Variants in ANK2 observed in about 807,000 individuals in gnomAD.
ANK2 encodes the protein ankyrin 2.
Under a neutral mutation model 360.5 loss-of-function variants are expected in ANK2, and 83 were observed. That is an observed-to-expected ratio of 0.23 (90% confidence interval 0.19 to 0.28). The LOEUF is 0.28. Ranked by LOEUF, ANK2 falls within the 10% of genes least tolerant of loss-of-function variation. The pLI is 1.00. For synonymous variants in ANK2, 1,740 were observed against 1,759.5 expected, an observed-to-expected ratio of 0.99 and a Z score of 0.28; for missense variants, 4,201 against 4,795.7, an observed-to-expected ratio of 0.88 and a Z score of 3.66.
intron 2 of ANK2, among the ~76,000 whole-genome samples, chr4:112,953,922 A>G (rs1485682045): frequency 6.6e-6 from 1 of 151,994 alleles, no homozygotes; most frequent in Non-Finnish European, 1.5e-5. Flanking sequence ...TTATTTATTT[A>G]TTTATTTCTT....
chr4:112,950,649 G>GAAAAAAAAA (rs55980674), intron 2 of ANK2, among the ~76,000 whole-genome samples: 1 of 118,770 alleles, frequency 8.4e-6, no homozygotes, highest in Non-Finnish European at 1.9e-5. Flanking sequence ...GTCTCAAAAA[G>GAAAAAAAAA]AAAAAAAAAA....
the ANK2 span, among the ~76,000 whole-genome samples, chr4:112,750,697 G>A: frequency 1.3e-5 from 2 of 152,006 alleles, no homozygotes; most frequent in African/African-American, 4.8e-5. Flanking sequence ...AAGGGCTGCT[G>A]GGTTGCCTAT....
intron 4 of ANK2, chr4:113,214,562 A>T (rs2153463233): frequency 1.9e-6 from 1 of 536,680 alleles, no homozygotes; most frequent in East Asian, 3.3e-5. Context: ...CATGAATCAC[A>T]GAATTGTTTT....
the ANK2 span, among the ~76,000 whole-genome samples, chr4:112,733,710 A>G: frequency 2.0e-4 from 31 of 152,210 alleles, 1 homozygote. Flanking sequence ...CACCATAGCT[A>G]TAGGTTAAAT....
At chr4:113,139,534 A>G (rs917259787) in intron 1 of ANK2, among the ~76,000 whole-genome samples, 5 of 152,158 alleles carry the variant, frequency 3.3e-5, no homozygotes, top group Admixed American at 1.3e-4. Context: ...GTACACACAT[A>G]TTTGTCTTCA....
chr4:112,904,188 CAT>C (rs1249050592), intron 1 of ANK2, among the ~76,000 whole-genome samples: 1 of 152,244 alleles, frequency 6.6e-6, no homozygotes, highest in African/African-American at 2.4e-5. Context: ...TGGACATTCT[CAT>C]ATTTTTAAAA....
intron 1 of ANK2, among the ~76,000 whole-genome samples, chr4:113,147,277 G>A (rs989629152): frequency 6.6e-6 from 1 of 152,146 alleles, no homozygotes; most frequent in Non-Finnish European, 1.5e-5. Flanking sequence ...GTTTCTCCTG[G>A]ATTATGGTTT....
At chr4:112,991,630 T>TC in intron 2 of ANK2, among the ~76,000 whole-genome samples, 1 of 150,528 alleles carries the variant, frequency 6.6e-6, no homozygotes, top group East Asian at 1.9e-4. Flanking sequence ...TTTTTTTTTT[T>TC]TTTTTGCAAT....
At chr4:112,746,438 G>A in the ANK2 span, among the ~76,000 whole-genome samples, 149 of 150,806 alleles carry the variant, frequency 9.9e-4, no homozygotes, top group African/African-American at 3.0e-3. Flanking sequence ...AACACGGGAG[G>A]TGGAGGTTGC....
intron 2 of ANK2, among the ~76,000 whole-genome samples, chr4:112,990,496 T>A (rs2046383807): frequency 1.3e-5 from 2 of 152,120 alleles, no homozygotes; most frequent in African/African-American, 2.4e-5. Flanking sequence ...GTTTTTTTTT[T>A]ATACCTGTCT....
At chr4:112,909,734 A>C (rs1195073555) in intron 2 of ANK2, among the ~76,000 whole-genome samples, 1 of 152,222 alleles carries the variant, frequency 6.6e-6, no homozygotes, top group East Asian at 1.9e-4. Flanking sequence ...CCCTACCTGG[A>C]ACCAATTCCT....
chr4:112,808,333 C>G, the ANK2 span, among the ~76,000 whole-genome samples: 3 of 152,098 alleles, frequency 2.0e-5, no homozygotes, highest in Admixed American at 2.0e-4. Context: ...AAAATCATGT[C>G]AAATAGGAAA....
At chr4:112,816,201 G>C (rs2055612303), upstream of ANK2, among the ~76,000 whole-genome samples, 1 of 152,150 alleles carries the variant, frequency 6.6e-6, no homozygotes, top group Non-Finnish European at 1.5e-5. Flanking sequence ...CAGAAAATTG[G>C]GAAATTTCTT....
At chr4:112,794,631 A>C in the ANK2 span, among the ~76,000 whole-genome samples, 37,650 of 152,016 alleles carry the variant, frequency 0.25, 5,130 homozygotes, top group East Asian at 0.53. Flanking sequence ...GCTCTGTTTT[A>C]TTTTTTGAGC....
intron 2 of ANK2, among the ~76,000 whole-genome samples, chr4:112,927,371 A>G (rs766393080): frequency 9.9e-5 from 15 of 152,158 alleles, no homozygotes; most frequent in Non-Finnish European, 1.9e-4. Flanking sequence ...ATAAATCCTT[A>G]CGTGACTCAG....
chr4:113,099,366 T>C lies in ANK2; in HGVS notation c.84+49554T>C, dbSNP rs1030937625. Among the ~76,000 whole-genome samples the C allele has an allele frequency of 4.6e-5, 7 of 151,916 alleles. 1 individual carries two copies. In the South Asian group the frequency reaches 1.4e-3, roughly 31 times the overall value. On this transcript the variant is annotated intron_variant, in intron 1 of 45. Transcript: ENST00000357077. Reference sequence around the variant, plus strand: ...CAGCTGATTTCCTATATACCATCAATGAGCAATTGGAATTGGAATTTTTCA... The same window carrying C: ...CAGCTGATTTCCTATATACCATCAACGAGCAATTGGAATTGGAATTTTTCA...
chr4:113,194,156 C>T (rs1350836261), intron 2 of ANK2, among the ~76,000 whole-genome samples: 1 of 152,166 alleles, frequency 6.6e-6, no homozygotes, highest in Non-Finnish European at 1.5e-5. Flanking sequence ...GGGTACCTAG[C>T]AAATGCTTAT....
intron 1 of ANK2, among the ~76,000 whole-genome samples, chr4:112,883,440 T>A (rs2077361750): frequency 6.6e-6 from 1 of 152,170 alleles, no homozygotes; most frequent in Non-Finnish European, 1.5e-5. Context: ...ATTATGCAAT[T>A]TAATTAAATA....
intron 1 of ANK2, among the ~76,000 whole-genome samples, chr4:112,899,438 CT>C (rs1303698479): frequency 1.3e-5 from 2 of 152,026 alleles, no homozygotes; most frequent in Admixed American, 1.3e-4. Flanking sequence ...ACAATTTCTT[CT>C]TTTTTCTCCC....
Sources: gnomAD v4.1 joint callset for allele counts (sites outside exome capture counted in the v4.1 genomes callset) on GRCh38, gnomAD v4.1.1 for gene constraint, MANE v1.5 for transcripts, NCBI Gene and HGNC (gene_info 2026-07-23, HGNC 2026-07-21) for gene names.